The following CUBN variants were observed in gnomAD, a reference collection of about 807,000 sequenced individuals.
The protein encoded by CUBN is 460 kDa receptor.
CUBN carries 282 observed loss-of-function variants against 405.3 expected under a neutral mutation model. That is an observed-to-expected ratio of 0.70 (90% CI 0.63 to 0.77). CUBN has a LOEUF of 0.77. Ranked by LOEUF, CUBN falls within the 30% of genes least tolerant of loss-of-function variation. CUBN has a pLI of 0.00. For missense variants in CUBN, 4,514 were observed against 4,475.2 expected (o/e 1.01, Z -0.25); for synonymous variants, 1,684 against 1,617.0 (o/e 1.04, Z -0.99).
intron 28 of CUBN, among the ~76,000 whole-genome samples, chr10:17,013,498 G>C (rs1834245054): frequency 6.6e-6 from 1 of 151,924 alleles, no homozygotes; most frequent in African/African-American, 2.4e-5. Context: ...TTATGCTGCT[G>C]TTCTCCTCTC....
At chr10:16,972,684 C>T (rs1433673462) in intron 31 of CUBN, among the ~76,000 whole-genome samples, 1 of 152,008 alleles carries the variant, frequency 6.6e-6, no homozygotes, top group Non-Finnish European at 1.5e-5. Context: ...TCTCGGCCTC[C>T]CAAAGTGCTG....
rs769251248 is a variant in CUBN, at chr10:17,068,132, C to T, written c.2940G>A (p.Glu980=). The T allele has an allele frequency of 5.6e-6, 9 of 1,613,292 alleles. No individual in the cohort carries two copies. Among genetic ancestry groups the T allele is most frequent in the South Asian group, 1.1e-5 (1 of 91,070 alleles). Residue 980 remains glutamate (E), a synonymous_variant, in exon 21 of 67, where the codon GAG becomes GAA. Transcript: ENST00000377833. ...IHLMFETFHL[E]FHYNCTNDYL... is the part of the protein sequence containing the mutation. ...AGTCGTTTGTGCAATTGTAATGAAACTCCAGATGAAATGTTTCGAACATTA... is the reference window on the plus strand; with the variant it reads ...AGTCGTTTGTGCAATTGTAATGAAATTCCAGATGAAATGTTTCGAACATTA...
chr10:17,117,553 T>C (rs921602201), intron 6 of CUBN, among the ~76,000 whole-genome samples: 1 of 152,110 alleles, frequency 6.6e-6, no homozygotes, highest in African/African-American at 2.4e-5. Context: ...TTTTTATTTC[T>C]TTTTTTAGTA....
intron 56 of CUBN, among the ~76,000 whole-genome samples, chr10:16,888,084 G>A (rs1329048671): frequency 6.6e-6 from 1 of 152,194 alleles, no homozygotes; most frequent in East Asian, 1.9e-4. Flanking sequence ...GGGTATGTGG[G>A]AGTGGAGATT....
chr10:17,028,040 T>C (rs1834708603), intron 27 of CUBN, among the ~76,000 whole-genome samples: 1 of 152,084 alleles, frequency 6.6e-6, no homozygotes, highest in Admixed American at 6.6e-5. Flanking sequence ...GTTCAGGGAC[T>C]GACGGTTTCA....
At chr10:17,112,733 C>G (rs541194120) in intron 8 of CUBN, among the ~76,000 whole-genome samples, 1 of 151,966 alleles carries the variant, frequency 6.6e-6, no homozygotes, top group Non-Finnish European at 1.5e-5. Context: ...CCAAAAATCA[C>G]TACATGGGGC....
chr10:16,945,619 C>G (rs1225045192), intron 36 of CUBN, among the ~76,000 whole-genome samples: 1 of 151,734 alleles, frequency 6.6e-6, no homozygotes, highest in Non-Finnish European at 1.5e-5. Context: ...AATATAAAAA[C>G]TAGCCTGGGA....
At chr10:16,995,803 T>G (rs1277398584) in intron 28 of CUBN, among the ~76,000 whole-genome samples, 1 of 152,228 alleles carries the variant, frequency 6.6e-6, no homozygotes, top group Non-Finnish European at 1.5e-5. Context: ...TTTATGGTAG[T>G]TCAGTTCTCA....
chr10:16,940,142 C>T lies in CUBN; in HGVS notation c.5438G>A (p.Gly1813Glu). ...AGAATAATTGAGAGGGAAGGAGTTTCCACAGTATCGTCCCACCAAGTGACC... is the reference window on the plus strand; with the variant it reads ...AGAATAATTGAGAGGGAAGGAGTTTTCACAGTATCGTCCCACCAAGTGACC... ...ATGHLVGRYC[G>E]NSFPLNYSSI... is the part of the protein sequence containing the mutation. The change falls in exon 37 of 67, where the codon GGA becomes GAA. Residue 1813 changes from glycine (G) to glutamate (E), a missense_variant. Physicochemically the swap from Gly to Glu is moderately conservative, Grantham distance 98. Transcript: ENST00000377833. 1 of 1,614,098 alleles carries T rather than the reference C, an allele frequency of 6.2e-7. No individual in the cohort carries two copies.
chr10:16,936,737 G>A (rs1415765289), intron 39 of CUBN, among the ~76,000 whole-genome samples: 1 of 152,058 alleles, frequency 6.6e-6, no homozygotes, highest in Admixed American at 6.6e-5. Context: ...TTTCGAAACG[G>A]AGTCTCACTC....
chr10:16,830,625 GT>G (rs1838959930), intron 65 of CUBN, among the ~76,000 whole-genome samples: 2 of 152,194 alleles, frequency 1.3e-5, no homozygotes. Context: ...TGGATTTTTG[GT>G]AAAAATTTTT....
rs1028031055 is a variant in CUBN, at chr10:17,114,172, G to A, written c.738C>T (p.Val246=). The A allele has an allele frequency of 6.2e-7, 1 of 1,613,770 alleles. No individual in the cohort carries two copies. The highest frequency in any genetic ancestry group is 8.5e-7 in the Non-Finnish European group (1 of 1,179,968). ...GTGAAAACATCCACCCAGCATCACAGACGCAGCTGTACTTGGGCTGGCAGG... is the reference window on the plus strand; with the variant it reads ...GTGAAAACATCCACCCAGCATCACAAACGCAGCTGTACTTGGGCTGGCAGG... ...EQAGEPKYSC[V]CDAGWMFSPN... The change falls in exon 8 of 67, where the codon GTC becomes GTT. Residue 246 remains valine (V), a synonymous_variant. Transcript: ENST00000377833.
At chr10:17,012,280 C>T (rs899482796) in intron 28 of CUBN, among the ~76,000 whole-genome samples, 2 of 152,206 alleles carry the variant, frequency 1.3e-5, no homozygotes, top group African/African-American at 4.8e-5. Context: ...TATTGCCCAA[C>T]TCCAGAGGTT....
chr10:16,913,759 T>C, intron 48 of CUBN, 52 bp downstream of exon 48: 2 of 1,604,636 alleles, frequency 1.2e-6, no homozygotes, highest in South Asian at 2.2e-5. Flanking sequence ...TATGGGTCGG[T>C]AAACTCTTTA....
At chr10:16,859,011 A>T (rs1839941869) in intron 59 of CUBN, among the ~76,000 whole-genome samples, 1 of 152,246 alleles carries the variant, frequency 6.6e-6, no homozygotes, top group South Asian at 2.1e-4. Context: ...ATGTAAAATC[A>T]TAAAACTTTT....
In CUBN at chr10:16,925,340, T is replaced by G; in HGVS notation, c.6547A>C (p.Thr2183Pro). 1 of 1,613,802 alleles carries G rather than the reference T, an allele frequency of 6.2e-7. No individual in the cohort carries two copies. The highest frequency in any genetic ancestry group is 1.1e-5 in the South Asian group (1 of 91,078). The change falls in exon 43 of 67, where the codon ACT (threonine) becomes CCT (proline). Residue 2183 changes from threonine to proline, a missense_variant. Coordinates refer to ENST00000377833, the MANE Select transcript of CUBN (RefSeq NM_001081.4). ...GHFCGSHASS[T>P]LFTSDNQMFV... is the part of the protein sequence containing the mutation. ...ATTTGATTATCCGAGGTGAACAGAGTTGATGAAGCATGACTGCCACAAAAA... is the reference window on the plus strand; with the variant it reads ...ATTTGATTATCCGAGGTGAACAGAGGTGATGAAGCATGACTGCCACAAAAA...
chr10:17,106,043 G>C (rs940315301), intron 10 of CUBN, among the ~76,000 whole-genome samples: 4 of 152,230 alleles, frequency 2.6e-5, no homozygotes, highest in Non-Finnish European at 4.4e-5. Flanking sequence ...CCAGCAGTTT[G>C]GGAGGCTGAG....
At chr10:17,068,493 G>A in intron 20 of CUBN, 112 bp downstream of exon 20, 1 of 1,013,618 alleles carries the variant, frequency 9.9e-7, no homozygotes, top group Non-Finnish European at 1.5e-6. Context: ...GTCTTTGAGT[G>A]TACTTTAAAA....
At chr10:17,029,575 T>C (rs189579692) in intron 27 of CUBN, among the ~76,000 whole-genome samples, 44 of 152,354 alleles carry the variant, frequency 2.9e-4, no homozygotes, top group African/African-American at 9.1e-4. Context: ...TGGTAAACTC[T>C]TCCCAGCTTT....
Sources: allele counts gnomAD v4.1 joint callset (sites outside exome capture counted in the v4.1 genomes callset), GRCh38; gene constraint gnomAD v4.1.1; transcripts MANE v1.5; gene names NCBI Gene and HGNC (gene_info 2026-07-23, HGNC 2026-07-21).